The following LSAMP variants were observed in gnomAD, a reference collection of about 807,000 sequenced individuals.
LSAMP encodes limbic system associated membrane protein, also known as limbic system-associated membrane protein.
LSAMP carries 7 observed loss-of-function variants against 38.6 expected under a neutral mutation model. The ratio of observed to expected loss-of-function variants is 0.18; its 90% CI spans 0.10 to 0.34. The LOEUF (loss-of-function observed/expected upper bound fraction) is 0.34. Ranked by LOEUF, LSAMP falls within the 10% of genes least tolerant of loss-of-function variation. The probability of loss-of-function intolerance (pLI) is 1.00; values close to 1 mark genes in which losing one functional copy is unlikely to be tolerated. For synonymous variants in LSAMP, 154 were observed against 166.8 expected (o/e 0.92, Z 0.59); for missense variants, 313 against 420.0 (o/e 0.75, Z 2.23).
chr3:116,189,987 A>G (rs904686747), intron 1 of LSAMP, among the ~76,000 whole-genome samples: 7 of 152,130 alleles, frequency 4.6e-5, no homozygotes, highest in African/African-American at 1.7e-4. Flanking sequence ...CATGTTGTAT[A>G]TGGTAAATAT....
intron 1 of LSAMP, chr3:116,368,334 A>G (rs539627368): frequency 6.6e-6 from 1 of 152,236 alleles, no homozygotes; most frequent in Admixed American, 6.5e-5. Context: ...AGTTATGTTT[A>G]CTCTGCTGTA....
chr3:115,833,631 C>A (rs1361033021), intron 6 of LSAMP, among the ~76,000 whole-genome samples: 1 of 152,144 alleles, frequency 6.6e-6, no homozygotes, highest in Non-Finnish European at 1.5e-5. Context: ...CATGATTCAT[C>A]TTCAAACTTA....
chr3:115,916,854 A>C (rs113982626), intron 3 of LSAMP, among the ~76,000 whole-genome samples: 1 of 152,222 alleles, frequency 6.6e-6, no homozygotes, highest in African/African-American at 2.4e-5. Flanking sequence ...CACACATTGC[A>C]TGAATGCCTT....
intron 3 of LSAMP, among the ~76,000 whole-genome samples, chr3:116,000,424 CTA>C (rs1463860716): frequency 6.6e-6 from 1 of 152,216 alleles, no homozygotes; most frequent in East Asian, 1.9e-4. Context: ...GACTATGTGA[CTA>C]TGAGTCATCA....
intron 1 of LSAMP, among the ~76,000 whole-genome samples, chr3:116,188,598 C>T (rs1047295232): frequency 6.6e-6 from 1 of 152,050 alleles, no homozygotes; most frequent in Non-Finnish European, 1.5e-5. Context: ...TCTTGCTGGC[C>T]CTGCTAGATT....
At position 115,874,790 on chromosome 3, in the gene LSAMP, G is replaced by A. The variant is rs568339762; in HGVS notation, c.515-22173C>T. ...CGAGTGAAAGAGTGGATAAAAGAGA[G>A]TTTTCACTTGGTTAGGGAGGTTAAG... On this transcript the variant is annotated intron_variant, in intron 3 of 6. Transcript: ENST00000490035. Among the ~76,000 whole-genome samples the A allele has an allele frequency of 2.6e-5, 4 of 152,108 alleles. No individual in the cohort carries two copies. In the South Asian group the frequency reaches 8.3e-4, roughly 32 times the overall value.
chr3:116,012,621 T>C (rs1940362478), intron 3 of LSAMP, among the ~76,000 whole-genome samples: 1 of 152,138 alleles, frequency 6.6e-6, no homozygotes, highest in Admixed American at 6.6e-5. Context: ...TGAAATGTAA[T>C]ATAAGATGTA....
At chr3:116,276,716 G>A (rs1290679228) in intron 1 of LSAMP, among the ~76,000 whole-genome samples, 1 of 151,524 alleles carries the variant, frequency 6.6e-6, no homozygotes, top group Non-Finnish European at 1.5e-5. Flanking sequence ...GGTCCTTGCA[G>A]GAGATATTGA....
intron 3 of LSAMP, among the ~76,000 whole-genome samples, chr3:116,013,890 A>ATAC: frequency 6.6e-6 from 1 of 152,208 alleles, no homozygotes; most frequent in Non-Finnish European, 1.5e-5. Context: ...TATACCTGGG[A>ATAC]TACTCTTTCT....
At chr3:116,285,259 G>A (rs2047178681) in intron 1 of LSAMP, among the ~76,000 whole-genome samples, 1 of 152,038 alleles carries the variant, frequency 6.6e-6, no homozygotes, top group Admixed American at 6.6e-5. Context: ...CGTCACTCAT[G>A]GAATAAAATC....
At chr3:115,952,400 A>G (rs1480516656) in intron 3 of LSAMP, among the ~76,000 whole-genome samples, 1 of 152,244 alleles carries the variant, frequency 6.6e-6, no homozygotes, top group East Asian at 1.9e-4. Flanking sequence ...AAAATGAATG[A>G]AATAATGGCA....
At chr3:116,321,151 T>C (rs2047701003) in intron 1 of LSAMP, among the ~76,000 whole-genome samples, 1 of 152,166 alleles carries the variant, frequency 6.6e-6, no homozygotes, top group Non-Finnish European at 1.5e-5. Flanking sequence ...GTAGGATCAC[T>C]TGAGCCTAGG....
intron 1 of LSAMP, among the ~76,000 whole-genome samples, chr3:116,144,228 A>G (rs1709439059): frequency 6.6e-6 from 1 of 151,992 alleles, no homozygotes; most frequent in Non-Finnish European, 1.5e-5. Flanking sequence ...AAGCTCATTA[A>G]CTCTGTTGTT....
chr3:115,941,941 T>G (rs1001530723), intron 3 of LSAMP, among the ~76,000 whole-genome samples: 1 of 152,156 alleles, frequency 6.6e-6, no homozygotes, highest in South Asian at 2.1e-4. Context: ...TATAAATACA[T>G]AAAATCACCA....
intron 1 of LSAMP, among the ~76,000 whole-genome samples, chr3:116,137,635 C>G (rs978607614): frequency 6.6e-6 from 1 of 152,084 alleles, no homozygotes; most frequent in African/African-American, 2.4e-5. Flanking sequence ...GTTTTTATGG[C>G]TACCCCAGCT....
intron 1 of LSAMP, among the ~76,000 whole-genome samples, chr3:116,351,877 C>T (rs2048145166): frequency 6.6e-6 from 1 of 152,076 alleles, no homozygotes; most frequent in Non-Finnish European, 1.5e-5. Context: ...CATTGCTTCT[C>T]AGGGACAAAT....
At chr3:115,955,226 G>T (rs909758823) in intron 3 of LSAMP, among the ~76,000 whole-genome samples, 5 of 152,060 alleles carry the variant, frequency 3.3e-5, no homozygotes, top group Non-Finnish European at 5.9e-5. Context: ...GAGCCACCGC[G>T]CCTGGCCATG....
intron 1 of LSAMP, among the ~76,000 whole-genome samples, chr3:116,160,054 C>A (rs1031162966): frequency 6.6e-6 from 1 of 152,076 alleles, no homozygotes; most frequent in Non-Finnish European, 1.5e-5. Flanking sequence ...AAGAAGGGAA[C>A]AACAGACACT....
chr3:115,925,112 C>T (rs1423487048), intron 3 of LSAMP, among the ~76,000 whole-genome samples: 1 of 152,096 alleles, frequency 6.6e-6, no homozygotes, highest in Non-Finnish European at 1.5e-5. Flanking sequence ...AGGGGTAGGC[C>T]ATATCCCAGG....
Sources: allele counts gnomAD v4.1 joint callset (sites outside exome capture counted in the v4.1 genomes callset), GRCh38; gene constraint gnomAD v4.1.1; transcripts MANE v1.5; gene names NCBI Gene and HGNC (gene_info 2026-07-23, HGNC 2026-07-21).